Variants in BNC2 observed in about 807,000 individuals in gnomAD.
The protein encoded by BNC2 is basonuclin zinc finger protein 2.
A neutral mutation model predicts 76.3 loss-of-function variants in BNC2; 20 were observed. That is an observed-to-expected ratio of 0.26 (90% CI 0.18 to 0.38). BNC2 has a LOEUF of 0.38. Among genes scored for constraint, BNC2 ranks in the 10% least tolerant of loss-of-function variants. The pLI is 1.00. For synonymous variants in BNC2, 582 were observed against 514.8 expected (o/e 1.13, Z -1.77); for missense variants, 1,382 against 1,399.8 (o/e 0.99, Z 0.20).
intron 5 of BNC2, among the ~76,000 whole-genome samples, chr9:16,523,723 G>A (rs1248471634): frequency 4.0e-5 from 6 of 151,758 alleles, no homozygotes; most frequent in African/African-American, 9.7e-5. Context: ...TCAATAGTTC[G>A]AGACCAGCCT....
intron 5 of BNC2, among the ~76,000 whole-genome samples, chr9:16,493,864 G>A (rs1822329297): frequency 6.6e-6 from 1 of 152,154 alleles, no homozygotes; most frequent in African/African-American, 2.4e-5. Context: ...GAGAGTGGAG[G>A]AAAGCATGGC....
chr9:16,443,791 G>C (rs934918404), intron 5 of BNC2, among the ~76,000 whole-genome samples: 7 of 152,154 alleles, frequency 4.6e-5, no homozygotes, highest in Non-Finnish European at 8.8e-5. Context: ...TCTGGAAAAG[G>C]TAAGATTATG....
chr9:16,451,060 TA>T (rs1821329567), intron 5 of BNC2, among the ~76,000 whole-genome samples: 1 of 33,238 alleles, frequency 3.0e-5, no homozygotes, highest in South Asian at 1.7e-3. Flanking sequence ...TCTAAATCAT[TA>T]ACTTTATCTT....
intron 1 of BNC2, among the ~76,000 whole-genome samples, chr9:16,841,574 T>C (rs770581470): frequency 1.3e-5 from 2 of 152,174 alleles, no homozygotes; most frequent in Admixed American, 1.3e-4. Flanking sequence ...GTCATTTAAG[T>C]TAACAATGGA....
intron 5 of BNC2, among the ~76,000 whole-genome samples, chr9:16,541,320 C>T (rs1435589337): frequency 6.6e-6 from 1 of 152,150 alleles, no homozygotes; most frequent in African/African-American, 2.4e-5. Flanking sequence ...AGATTCAACC[C>T]GGTTTCCCTG....
intron 2 of BNC2, among the ~76,000 whole-genome samples, chr9:16,734,698 C>T (rs912743114): frequency 6.6e-6 from 1 of 152,098 alleles, no homozygotes; most frequent in African/African-American, 2.4e-5. Flanking sequence ...AGTGTTTACA[C>T]ATAAGAACAT....
intron 3 of BNC2, among the ~76,000 whole-genome samples, chr9:16,680,823 C>T (rs1394946081): frequency 1.3e-5 from 2 of 152,004 alleles, no homozygotes; most frequent in African/African-American, 4.8e-5. Flanking sequence ...CCTACACAGG[C>T]TAACTTCAGA....
intron 3 of BNC2, among the ~76,000 whole-genome samples, chr9:16,604,908 TTGTGGG>T (rs1206296239): frequency 2.0e-5 from 3 of 152,220 alleles, no homozygotes; most frequent in Non-Finnish European, 4.4e-5. Context: ...ACAAAAATAC[TTGTGGG>T]TGTCAGTCTG....
At chr9:16,439,688 A>G (rs1337108888) in intron 5 of BNC2, among the ~76,000 whole-genome samples, 2 of 152,186 alleles carry the variant, frequency 1.3e-5, no homozygotes, top group Non-Finnish European at 2.9e-5. Flanking sequence ...AGCTAGTTTG[A>G]TTAAGTGGGT....
intron 1 of BNC2, among the ~76,000 whole-genome samples, chr9:16,804,540 G>A (rs1240606375): frequency 6.6e-6 from 1 of 152,126 alleles, no homozygotes; most frequent in Non-Finnish European, 1.5e-5. Context: ...TGAAAACAGA[G>A]GTTATTTCCC....
At chr9:16,538,187 T>A (rs537310441) in intron 5 of BNC2, among the ~76,000 whole-genome samples, 1 of 152,148 alleles carries the variant, frequency 6.6e-6, no homozygotes, top group Non-Finnish European at 1.5e-5. Context: ...CTTCTCACTG[T>A]CCTACCAATT....
intron 2 of BNC2, among the ~76,000 whole-genome samples, chr9:16,737,007 T>C (rs1482969015): frequency 6.6e-6 from 1 of 151,460 alleles, no homozygotes. Context: ...GGTTTCTCCA[T>C]GTTGGTCAGA....
intron 1 of BNC2, among the ~76,000 whole-genome samples, chr9:16,790,484 T>C (rs1817474942): frequency 6.6e-6 from 1 of 152,206 alleles, no homozygotes; most frequent in African/African-American, 2.4e-5. Flanking sequence ...ACTGTGTCAA[T>C]AGTAGTTTCA....
chr9:16,535,270 G>A (rs751627662), intron 5 of BNC2, among the ~76,000 whole-genome samples: 2 of 152,076 alleles, frequency 1.3e-5, no homozygotes, highest in East Asian at 1.9e-4. Flanking sequence ...AAGCACTGGC[G>A]TAATTTTTAA....
chr9:16,491,097 AGAGACT>A (rs1276582618), intron 5 of BNC2, among the ~76,000 whole-genome samples: 1 of 152,228 alleles, frequency 6.6e-6, no homozygotes, highest in Non-Finnish European at 1.5e-5. Flanking sequence ...ATAAAAGAAT[AGAGACT>A]GATACCTGAA....
rs544700679 is a variant in BNC2, at chr9:16,495,181, T to A, written c.669+57349A>T. ...TGGTGATAAATCATCAGCCTCTATCTAAATTATTAGCAGATCCTAAAAAAG... is the reference window on the plus strand; with the variant it reads ...TGGTGATAAATCATCAGCCTCTATCAAAATTATTAGCAGATCCTAAAAAAG... On this transcript the variant is annotated intron_variant, in intron 5 of 6. Coordinates refer to ENST00000380672, the MANE Select transcript of BNC2 (RefSeq NM_017637.6). Among the ~76,000 whole-genome samples, 4 of 152,296 alleles carry A rather than the reference T, an allele frequency of 2.6e-5. No homozygotes were observed. In the East Asian group the frequency reaches 7.7e-4, roughly 29 times the overall value.
At chr9:16,744,516 AAG>A (rs1824944526) in intron 1 of BNC2, among the ~76,000 whole-genome samples, 4 of 152,312 alleles carry the variant, frequency 2.6e-5, no homozygotes, top group Admixed American at 2.6e-4. Context: ...CAAACTATAA[AAG>A]ACGCAGTCTC....
intron 5 of BNC2, among the ~76,000 whole-genome samples, chr9:16,490,766 G>A (rs542870858): frequency 6.6e-6 from 1 of 152,260 alleles, no homozygotes; most frequent in African/African-American, 2.4e-5. Flanking sequence ...TTTAAGAGAA[G>A]AGTCCCAACT....
At chr9:16,714,098 G>A (rs1823929873) in intron 3 of BNC2, among the ~76,000 whole-genome samples, 1 of 152,180 alleles carries the variant, frequency 6.6e-6, no homozygotes, top group Admixed American at 6.5e-5. Flanking sequence ...CCACCAAAAT[G>A]ATACTAATTT....
Sources: gnomAD v4.1 joint callset for allele counts (sites outside exome capture counted in the v4.1 genomes callset) on GRCh38, gnomAD v4.1.1 for gene constraint, MANE v1.5 for transcripts, NCBI Gene and HGNC (gene_info 2026-07-23, HGNC 2026-07-21) for gene names.